The following HIVEP3 variants were observed in gnomAD, a reference collection of about 807,000 sequenced individuals.
HIVEP3 encodes transcription factor HIVEP3.
In HIVEP3, 49 loss-of-function variants were observed where a neutral mutation model predicts 152.8. The ratio of observed to expected loss-of-function variants is 0.32; its 90% CI spans 0.26 to 0.41. The LOEUF (loss-of-function observed/expected upper bound fraction) is 0.41. Among genes scored for constraint, HIVEP3 ranks in the 10% least tolerant of loss-of-function variants. HIVEP3 has a pLI of 1.00. For missense variants in HIVEP3, 2,790 were observed against 3,103.3 expected (o/e 0.90, Z 2.40); for synonymous variants, 1,269 against 1,289.0 (o/e 0.98, Z 0.33).
intron 1 of HIVEP3, among the ~76,000 whole-genome samples, chr1:41,886,790 GA>G (rs1644355329): frequency 6.7e-6 from 1 of 148,170 alleles, no homozygotes; most frequent in African/African-American, 2.5e-5. Flanking sequence ...CTAGAGCATA[GA>G]ACTTTCTTCC....
intron 1 of HIVEP3, among the ~76,000 whole-genome samples, chr1:41,742,195 C>A (rs552709919): frequency 6.6e-6 from 1 of 152,162 alleles, no homozygotes; most frequent in African/African-American, 2.4e-5. Context: ...TCCATCCATA[C>A]GCTCATCTTT....
intron 1 of HIVEP3, among the ~76,000 whole-genome samples, chr1:41,769,254 C>T (rs1368545510): frequency 6.6e-6 from 1 of 152,224 alleles, no homozygotes. Context: ...AAAGCACGTG[C>T]ACCTCCCTCA....
intron 1 of HIVEP3, among the ~76,000 whole-genome samples, chr1:41,825,781 A>AT (rs904674056): frequency 2.6e-4 from 39 of 150,952 alleles, no homozygotes; most frequent in African/African-American, 8.3e-4. Flanking sequence ...TAAGTTTTGT[A>AT]TTTTTTTGTA....
intron 1 of HIVEP3, among the ~76,000 whole-genome samples, chr1:41,912,130 A>C (rs995307471): frequency 5.3e-5 from 8 of 152,198 alleles, no homozygotes; most frequent in African/African-American, 1.9e-4. Flanking sequence ...ACAATAAAGA[A>C]AAGCATAGGG....
At chr1:41,859,497 G>A (rs1643860119) in intron 1 of HIVEP3, among the ~76,000 whole-genome samples, 1 of 152,194 alleles carries the variant, frequency 6.6e-6, no homozygotes, top group Non-Finnish European at 1.5e-5. Context: ...ACAAGAGGCA[G>A]GAGAATGTAA....
intron 1 of HIVEP3, among the ~76,000 whole-genome samples, chr1:41,949,829 C>T (rs1645096078): frequency 6.6e-6 from 1 of 152,160 alleles, no homozygotes; most frequent in African/African-American, 2.4e-5. Context: ...ATCCCTGGAC[C>T]AGCCTGCTAG....
At chr1:41,723,563 G>A (rs896031566) in intron 1 of HIVEP3, among the ~76,000 whole-genome samples, 12 of 150,458 alleles carry the variant, frequency 8.0e-5, no homozygotes, top group East Asian at 1.9e-4. Flanking sequence ...GCAAAACTCC[G>A]CAGAATTGGC....
chr1:41,910,211 G>T (rs1644774509), intron 1 of HIVEP3, among the ~76,000 whole-genome samples: 1 of 151,458 alleles, frequency 6.6e-6, no homozygotes, highest in South Asian at 2.1e-4. Context: ...ATTATAGAAG[G>T]TATTACAAAT....
chr1:42,018,382 A>C (rs904778557), intron 1 of HIVEP3, among the ~76,000 whole-genome samples: 4 of 151,360 alleles, frequency 2.6e-5, no homozygotes, highest in Non-Finnish European at 5.9e-5. Context: ...ATAGACCTAC[A>C]ATGCAGCTAG....
chr1:41,750,927 TG>T (rs1292000811), intron 1 of HIVEP3, among the ~76,000 whole-genome samples: 1 of 152,168 alleles, frequency 6.6e-6, no homozygotes, highest in African/African-American at 2.4e-5. Flanking sequence ...TTGGTCAGGC[TG>T]GTCTGGAACT....
intron 2 of HIVEP3, among the ~76,000 whole-genome samples, chr1:41,646,600 C>T (rs746663976): frequency 1.2e-4 from 18 of 152,136 alleles, no homozygotes; most frequent in African/African-American, 2.9e-4. Flanking sequence ...GTCTGGCCAA[C>T]GGGGACCCAT....
intron 2 of HIVEP3, among the ~76,000 whole-genome samples, chr1:41,670,860 G>C (rs778505323): frequency 6.6e-6 from 1 of 152,222 alleles, no homozygotes; most frequent in South Asian, 2.1e-4. Context: ...GCAGGCCACC[G>C]TGAGAGCTGT....
intron 2 of HIVEP3, among the ~76,000 whole-genome samples, chr1:41,640,798 C>T (rs1388036900): frequency 6.6e-6 from 1 of 152,240 alleles, no homozygotes; most frequent in Non-Finnish European, 1.5e-5. Flanking sequence ...GGTCAGGCTC[C>T]ATCATCACCA....
At chr1:41,796,771 C>T (rs913250053) in intron 1 of HIVEP3, among the ~76,000 whole-genome samples, 1 of 152,160 alleles carries the variant, frequency 6.6e-6, no homozygotes, top group African/African-American at 2.4e-5. Flanking sequence ...TTTAAAAAAA[C>T]ACAATAGCAT....
intron 1 of HIVEP3, among the ~76,000 whole-genome samples, chr1:41,825,865 C>T (rs1321082990): frequency 6.6e-6 from 1 of 152,114 alleles, no homozygotes; most frequent in Non-Finnish European, 1.5e-5. Flanking sequence ...ACTTCGGCCT[C>T]CCAAAGTGCT....
At chr1:41,660,929 C>T (rs145723661) in intron 2 of HIVEP3, among the ~76,000 whole-genome samples, 1 of 152,176 alleles carries the variant, frequency 6.6e-6, no homozygotes, top group Admixed American at 6.5e-5. Flanking sequence ...TGCTACTAGG[C>T]ACACAGGACA....
At chr1:41,567,288 G>C (rs1167787602) in intron 5 of HIVEP3, among the ~76,000 whole-genome samples, 1 of 152,152 alleles carries the variant, frequency 6.6e-6, no homozygotes, top group African/African-American at 2.4e-5. Context: ...CCATGTTCCT[G>C]GTCTAAACCA....
chr1:41,540,169 C>G (rs1643493796), intron 5 of HIVEP3, among the ~76,000 whole-genome samples: 2 of 152,234 alleles, frequency 1.3e-5, no homozygotes, highest in South Asian at 4.1e-4. Flanking sequence ...AAGGCTCTCT[C>G]TAGTAGCAGC....
At chr1:41,877,362 T>C (rs1346485763) in intron 1 of HIVEP3, among the ~76,000 whole-genome samples, 1 of 152,252 alleles carries the variant, frequency 6.6e-6, no homozygotes, top group African/African-American at 2.4e-5. Flanking sequence ...GTGATATTTC[T>C]GAGTTTGGTT....
Sources: allele counts gnomAD v4.1 joint callset (sites outside exome capture counted in the v4.1 genomes callset), GRCh38; gene constraint gnomAD v4.1.1; transcripts MANE v1.5; gene names NCBI Gene and HGNC (gene_info 2026-07-23, HGNC 2026-07-21).